ABCD3: variants seen among roughly 807,000 people sequenced by gnomAD.
ABCD3 encodes the protein ATP binding cassette subfamily D member 3, also known as ATP-binding cassette sub-family D member 3.
A neutral mutation model predicts 105.5 loss-of-function variants in ABCD3; 41 were observed. The ratio of observed to expected loss-of-function variants is 0.39; its 90% CI spans 0.30 to 0.50. The LOEUF (loss-of-function observed/expected upper bound fraction) is 0.50. Among genes scored for constraint, ABCD3 ranks in the 20% least tolerant of loss-of-function variants. ABCD3 has a pLI of 0.84. For synonymous variants in ABCD3, 258 were observed against 269.0 expected, an observed-to-expected ratio of 0.96 and a Z score of 0.40; for missense variants, 622 against 806.3, an observed-to-expected ratio of 0.77 and a Z score of 2.77.
intron 1 of ABCD3, among the ~76,000 whole-genome samples, 160 bp from the exon 2 acceptor site, chr1:94,458,447 G>A (rs1647697387): frequency 6.6e-6 from 1 of 152,218 alleles, no homozygotes; most frequent in Non-Finnish European, 1.5e-5. Flanking sequence ...CCTAGTAAGA[G>A]TCAGGTGGAC....
At chr1:94,468,635 A>G (rs1287734355) in intron 4 of ABCD3, among the ~76,000 whole-genome samples, 2 of 152,206 alleles carry the variant, frequency 1.3e-5, no homozygotes, top group African/African-American at 4.8e-5. Flanking sequence ...TTAGAATGTC[A>G]GAGTAAACAT....
intron 20 of ABCD3, among the ~76,000 whole-genome samples, chr1:94,501,265 G>GAA (rs4148065): frequency 6.0e-4 from 37 of 61,962 alleles, no homozygotes; most frequent in African/African-American, 7.6e-4. Context: ...TGTCTCAAAA[G>GAA]AAAAAAAAAA....
chr1:94,448,945 A>AT lies in ABCD3; in HGVS notation c.111-9654dup, dbSNP rs34196446. On this transcript the variant is annotated intron_variant, in intron 1 of 22. Coordinates refer to ENST00000370214, the MANE Select transcript of ABCD3 (RefSeq NM_002858.4). ...TTGAATCTAGCATTATTAACTTTAA[A>AT]TTTTTTTTAGCATGCCTAAAGGCTA... 9.0e-3 allele frequency among the ~76,000 whole-genome samples: 1,375 copies of AT among 152,218 alleles called. 24 individuals are homozygous for AT. The highest frequency in any genetic ancestry group is 0.032 in the African/African-American group (1,314 of 41,532).
At chr1:94,398,508 ATTAC>A in the ABCD3 span, among the ~76,000 whole-genome samples, 1 of 152,166 alleles carries the variant, frequency 6.6e-6, no homozygotes, top group Admixed American at 6.5e-5. Context: ...GTTTTCCAAA[ATTAC>A]TTAGGTCAGC....
chr1:94,504,801 G>A (rs1024862015), intron 20 of ABCD3, among the ~76,000 whole-genome samples: 2 of 152,188 alleles, frequency 1.3e-5, no homozygotes, highest in Non-Finnish European at 2.9e-5. Flanking sequence ...AGCAGCAGAA[G>A]TGGTAGGAGG....
chr1:94,502,832 G>T (rs1389458131), intron 20 of ABCD3, among the ~76,000 whole-genome samples: 2 of 152,094 alleles, frequency 1.3e-5, no homozygotes, highest in Non-Finnish European at 2.9e-5. Flanking sequence ...GTGCAATTCA[G>T]TAGCTGGCCA....
intron 1 of ABCD3, among the ~76,000 whole-genome samples, chr1:94,423,523 A>T (rs989309036): frequency 6.6e-6 from 1 of 152,180 alleles, no homozygotes; most frequent in Non-Finnish European, 1.5e-5. Flanking sequence ...AGGTACTTAC[A>T]TCTTGTCTCT....
chr1:94,438,301 T>TACACACACACACACAC lies in ABCD3; in HGVS notation c.110+19741_110+19756dup, dbSNP rs58959540. 8.6e-5 allele frequency among the ~76,000 whole-genome samples: 11 copies of TACACACACACACACAC among 128,286 alleles called. 1 individual carries two copies. Among genetic ancestry groups the TACACACACACACACAC allele is most frequent in the East Asian group, 4.5e-4 (2 of 4,458 alleles). The allele number at this position is 128,286 out of a possible 152,430, so 84.2% of individuals were successfully genotyped here. On this transcript the variant is annotated intron_variant, in intron 1 of 22. Transcript: ENST00000370214. ...ACTCCATCACACACACACACACACA[T>TACACACACACACACAC]ACACACACACACACACACACACACA... is the stretch of plus-strand genomic sequence containing the variant.
intron 8 of ABCD3, 115 bp from the exon 9 acceptor site, chr1:94,480,349 G>C: frequency 7.5e-7 from 1 of 1,328,326 alleles, no homozygotes; most frequent in African/African-American, 1.5e-5. Context: ...TTACCCAGTA[G>C]GGCAATTTCT....
At chr1:94,467,089 T>C (rs1314142603) in intron 3 of ABCD3, among the ~76,000 whole-genome samples, 1 of 152,206 alleles carries the variant, frequency 6.6e-6, no homozygotes, top group Non-Finnish European at 1.5e-5. Flanking sequence ...ATTGCTTAAG[T>C]AATATTCTTT....
the ABCD3 span, among the ~76,000 whole-genome samples, chr1:94,398,638 G>A: frequency 6.6e-6 from 1 of 152,152 alleles, no homozygotes; most frequent in African/African-American, 2.4e-5. Flanking sequence ...TATAGGCTGG[G>A]CACAGTGGCT....
the ABCD3 span, among the ~76,000 whole-genome samples, chr1:94,404,075 A>T: frequency 2.0e-4 from 31 of 152,300 alleles, no homozygotes; most frequent in African/African-American, 7.2e-4. Context: ...CATATTTTAC[A>T]AATTATACAA....
intron 1 of ABCD3, among the ~76,000 whole-genome samples, chr1:94,455,356 GCT>G (rs1647498901): frequency 7.3e-6 from 1 of 136,810 alleles, no homozygotes; most frequent in South Asian, 2.3e-4. Flanking sequence ...ACCGAGTTTT[GCT>G]CTTATTGCCC....
intron 15 of ABCD3, among the ~76,000 whole-genome samples, chr1:94,490,525 A>G (rs914422010): frequency 2.0e-5 from 3 of 152,080 alleles, no homozygotes; most frequent in African/African-American, 7.2e-5. Context: ...TTTGCTTAGC[A>G]TAATGTCCTC....
chr1:94,427,714 G>A (rs1423727383), intron 1 of ABCD3, among the ~76,000 whole-genome samples: 12 of 152,160 alleles, frequency 7.9e-5, no homozygotes, highest in Admixed American at 4.6e-4. Context: ...GTCTCCAAGC[G>A]ATCGCCTGCC....
intron 1 of ABCD3, among the ~76,000 whole-genome samples, chr1:94,450,703 T>C (rs1660548791): frequency 6.6e-6 from 1 of 152,328 alleles, no homozygotes; most frequent in East Asian, 1.9e-4. Context: ...GATTTCCCAC[T>C]CCACACTCTA....
the ABCD3 span, chr1:94,406,335 G>T: frequency 6.6e-4 from 119 of 179,166 alleles, no homozygotes; most frequent in Admixed American, 1.0e-3. Context: ...ATAGTATTTT[G>T]TTTTGTTTTT....
chr1:94,490,928 C>T (rs1570811783), intron 15 of ABCD3, among the ~76,000 whole-genome samples: 1 of 151,968 alleles, frequency 6.6e-6, no homozygotes, highest in South Asian at 2.1e-4. Flanking sequence ...CCAACACTTA[C>T]CGTTTGTCTC....
intron 16 of ABCD3, among the ~76,000 whole-genome samples, chr1:94,497,516 T>C (rs1402593568): frequency 2.6e-5 from 4 of 152,232 alleles, no homozygotes; most frequent in Non-Finnish European, 5.9e-5. Flanking sequence ...GCTAAGATTT[T>C]CTGATTCTTT....
Sources: allele counts gnomAD v4.1 joint callset (sites outside exome capture counted in the v4.1 genomes callset), GRCh38; gene constraint gnomAD v4.1.1; transcripts MANE v1.5; gene names NCBI Gene and HGNC (gene_info 2026-07-23, HGNC 2026-07-21).